THAP6: variants seen among roughly 807,000 people sequenced by gnomAD.
THAP6 encodes THAP domain-containing protein 6.
THAP6 carries 13 observed loss-of-function variants against 20.0 expected under a neutral mutation model. The ratio of observed to expected loss-of-function variants is 0.65; its 90% CI spans 0.42 to 1.03. The LOEUF (loss-of-function observed/expected upper bound fraction) is 1.03. THAP6 is among the 50% of genes least tolerant of loss of function. THAP6 has a pLI of 0.00. For synonymous variants in THAP6, 93 were observed against 92.2 expected, an observed-to-expected ratio of 1.01 and a Z score of -0.05; for missense variants, 262 against 261.6, an observed-to-expected ratio of 1.00 and a Z score of -0.01.
At chr4:75,536,388 T>C (rs1457328485) in intron 2 of THAP6, among the ~76,000 whole-genome samples, 4 of 152,196 alleles carry the variant, frequency 2.6e-5, no homozygotes, top group African/African-American at 9.6e-5. Context: ...TGCTTGAACC[T>C]GGGAGGTGGA....
At chr4:75,524,805 G>A (rs145479129) in intron 4 of THAP6, among the ~76,000 whole-genome samples, 79 of 151,746 alleles carry the variant, frequency 5.2e-4, no homozygotes, top group Non-Finnish European at 9.4e-4. Flanking sequence ...ACCCATGCTA[G>A]AGTGCAGTGG....
intron 4 of THAP6, chr4:75,522,514 A>G (rs1437682490): frequency 6.6e-6 from 1 of 152,102 alleles, no homozygotes; most frequent in African/African-American, 2.4e-5. Context: ...ACCCCATTGT[A>G]CTATCAAATA....
At chr4:75,526,814 C>T (rs1277447812) in intron 4 of THAP6, 146 bp from the exon 5 acceptor site, 10 of 1,250,266 alleles carry the variant, frequency 8.0e-6, no homozygotes, top group Non-Finnish European at 1.1e-5. Context: ...CTACCCCCAT[C>T]TTCTTCCTGT....
rs1725689246 is a variant in THAP6 at position 75,516,919 on chromosome 4, A to G, written c.228A>G (p.Pro76=). Residue 76 remains proline (P), a synonymous_variant, in exon 3 of 5, where the codon CCA becomes CCG. Coordinates refer to ENST00000311638, the MANE Select transcript of THAP6 (RefSeq NM_144721.6). ...FKKTDFDRSA[P]NIKLKPGVIP... ...AGACAGATTTTGACAGAAGTGCTCC[A>G]AATATTAAACTGAAACCTGGAGTCA... 2 of 1,614,164 alleles carry G rather than the reference A, an allele frequency of 1.2e-6. No homozygotes were observed. The highest frequency in any genetic ancestry group is 4.5e-5 in the East Asian group (2 of 44,880).
At chr4:75,519,942 C>T (rs1381026221) in intron 3 of THAP6, among the ~76,000 whole-genome samples, 3 of 151,960 alleles carry the variant, frequency 2.0e-5, no homozygotes, top group Admixed American at 1.3e-4. Flanking sequence ...TACAGTCCCA[C>T]CAACAGTGTC....
chr4:75,545,938 G>A (rs559207213), intron 3 of THAP6, among the ~76,000 whole-genome samples: 21 of 152,242 alleles, frequency 1.4e-4, no homozygotes, highest in African/African-American at 4.3e-4. Context: ...GCAGCTCTGC[G>A]GGCCCACCCT....
chr4:75,526,360 A>T (rs974590662), intron 4 of THAP6, among the ~76,000 whole-genome samples: 3 of 152,210 alleles, frequency 2.0e-5, no homozygotes, highest in African/African-American at 7.2e-5. Flanking sequence ...TTTCAAAATT[A>T]TTTTATAGTA....
chr4:75,545,677 C>T (rs1727110134), intron 3 of THAP6, among the ~76,000 whole-genome samples: 1 of 152,182 alleles, frequency 6.6e-6, no homozygotes, highest in East Asian at 1.9e-4. Context: ...GCTGAGGCAG[C>T]CCAAATAGCA....
At chr4:75,516,523 A>G (rs183728762) in intron 2 of THAP6, among the ~76,000 whole-genome samples, 1 of 152,344 alleles carries the variant, frequency 6.6e-6, no homozygotes, top group East Asian at 1.9e-4. Flanking sequence ...ATCCATTGAA[A>G]CTTTTCTTCC....
At chr4:75,537,318 A>C (rs186928720) in intron 2 of THAP6, among the ~76,000 whole-genome samples, 91 of 152,300 alleles carry the variant, frequency 6.0e-4, no homozygotes, top group Admixed American at 1.1e-3. Flanking sequence ...CTCATATTGA[A>C]TTGTACTCCC....
downstream of THAP6, among the ~76,000 whole-genome samples, chr4:75,534,547 C>G (rs1726795459): frequency 2.0e-5 from 3 of 152,268 alleles, no homozygotes; most frequent in Middle Eastern, 0.01. Context: ...GCAACAGAAG[C>G]CAAAATTGAC....
chr4:75,515,961 G>C (rs1334933167), intron 2 of THAP6, among the ~76,000 whole-genome samples: 1 of 152,194 alleles, frequency 6.6e-6, no homozygotes, highest in Non-Finnish European at 1.5e-5. Flanking sequence ...ATCTTTAGCT[G>C]TGTTGCAAAT....
chr4:75,542,728 T>C (rs1727039834), intron 3 of THAP6: 2 of 360,474 alleles, frequency 5.5e-6, no homozygotes, highest in African/African-American at 2.1e-5. Context: ...TTGTTTTGTT[T>C]TGTTTTGTCT....
At chr4:75,536,969 G>A (rs574371654) in intron 2 of THAP6, among the ~76,000 whole-genome samples, 3 of 152,304 alleles carry the variant, frequency 2.0e-5, no homozygotes, top group African/African-American at 4.8e-5. Flanking sequence ...CAGGGAAAAC[G>A]AGGGTTATTT....
chr4:75,531,037 CT>C (rs1726665602), downstream of THAP6, among the ~76,000 whole-genome samples: 2 of 152,200 alleles, frequency 1.3e-5, no homozygotes, highest in Admixed American at 1.3e-4. Context: ...AGGCATGAAA[CT>C]GCTATCCTTG....
chr4:75,514,253 C>A (rs780544022), upstream of THAP6: 11 of 1,612,746 alleles, frequency 6.8e-6, no homozygotes, highest in East Asian at 1.8e-4. Flanking sequence ...CGCTCTTGAC[C>A]GCTGGCGCCA....
At chr4:75,524,519 C>T (rs980210023) in intron 4 of THAP6, among the ~76,000 whole-genome samples, 1 of 152,042 alleles carries the variant, frequency 6.6e-6, no homozygotes, top group Non-Finnish European at 1.5e-5. Flanking sequence ...ATTTCTGTTG[C>T]TTAAAAAGTT....
intron 2 of THAP6, among the ~76,000 whole-genome samples, chr4:75,537,655 C>G (rs1049431958): frequency 1.3e-5 from 2 of 152,142 alleles, no homozygotes; most frequent in Non-Finnish European, 2.9e-5. Flanking sequence ...CTAATAGGAT[C>G]ACGTTTCTTA....
chr4:75,519,726 C>T (rs1725892948), intron 3 of THAP6, among the ~76,000 whole-genome samples: 1 of 151,856 alleles, frequency 6.6e-6, no homozygotes, highest in South Asian at 2.1e-4. Flanking sequence ...TCCAGTCTAT[C>T]ATTGTTGGAC....
Sources: allele counts gnomAD v4.1 joint callset (sites outside exome capture counted in the v4.1 genomes callset), GRCh38; gene constraint gnomAD v4.1.1; transcripts MANE v1.5; gene names NCBI Gene and HGNC (gene_info 2026-07-23, HGNC 2026-07-21).